Variants in BRF1 observed in about 807,000 individuals in gnomAD.
BRF1 encodes transcription factor IIIB 90 kDa subunit.
BRF1 carries 59 observed loss-of-function variants against 81.7 expected under a neutral mutation model. That is an observed-to-expected ratio of 0.72 (90% CI 0.59 to 0.90). The LOEUF is 0.90. BRF1 is among the 40% of genes least tolerant of loss of function. The probability of loss-of-function intolerance (pLI) is 0.00; values close to 1 mark genes in which losing one functional copy is unlikely to be tolerated. For missense variants in BRF1, 1,050 were observed against 936.3 expected (o/e 1.12, Z -1.58); for synonymous variants, 491 against 395.6 (o/e 1.24, Z -2.86).
At chr14:105,226,039 C>G (rs771259876) in intron 10 of BRF1, 30 bp downstream of exon 10, 12 of 1,589,948 alleles carry the variant, frequency 7.5e-6, no homozygotes, top group Non-Finnish European at 1.0e-5. Context: ...TTTTAAAGGT[C>G]TGAATAGGGG....
rs587691914 is a variant in BRF1 at position 105,215,431 on chromosome 14, TCA to T, written c.1772+2111_1772+2112del. 2.2e-3 allele frequency among the ~76,000 whole-genome samples: 330 copies of T among 148,244 alleles called. 2 individuals are homozygous for T. The highest frequency in any genetic ancestry group is 7.8e-3 in the African/African-American group (313 of 40,014). On this transcript the variant is annotated intron_variant, in intron 15 of 17. Transcript: ENST00000547530. ...ACACATGCACACACACTATGTGCAG[TCA>T]CAGATACAGGCACACACTGTGTGCA...
chr14:105,285,292 C>T (rs1023215551), intron 2 of BRF1, among the ~76,000 whole-genome samples: 3 of 152,208 alleles, frequency 2.0e-5, no homozygotes, highest in East Asian at 1.9e-4. Flanking sequence ...TCCTGAACAG[C>T]GTGGAACGGG....
chr14:105,300,564 G>A lies in BRF1; in HGVS notation c.66C>T (p.Asp22=), dbSNP rs1437882755. The A allele has an allele frequency of 2.7e-6, 4 of 1,496,072 alleles. No homozygotes were observed. The highest frequency in any genetic ancestry group is 1.3e-5 in the South Asian group (1 of 78,956). 92.7% of individuals were successfully genotyped at this position (1,496,072 alleles called of 1,614,324 possible). A position where few individuals can be genotyped will look rare whatever the true frequency, so the allele number is the denominator to read the frequency against. The part of the protein sequence containing the change: ...TDIELDAARG[D]AVCTACGSVL... ...CTGAGCCGCAGGCGGTGCACACCGC[G>A]TCCCCGCGCGCCGCGTCCAGCTCGA... Residue 22 remains aspartate (D), a synonymous_variant, in exon 1 of 18, where the codon GAC becomes GAT. Transcript: ENST00000547530.
intron 5 of BRF1, chr14:105,250,125 C>T (rs772094628): frequency 4.8e-5 from 78 of 1,612,998 alleles, no homozygotes; most frequent in Non-Finnish European, 6.3e-5. Context: ...GACATCCTGA[C>T]TCTGGAGGAG....
chr14:105,229,620 T>A (rs117952084), intron 6 of BRF1, among the ~76,000 whole-genome samples: 3 of 152,244 alleles, frequency 2.0e-5, no homozygotes, highest in African/African-American at 4.8e-5. Context: ...GAGGTCCAAC[T>A]AGAACAGTCG....
chr14:105,241,606 G>T, intron 5 of BRF1, 192 bp from the exon 6 acceptor site: 1 of 712,278 alleles, frequency 1.4e-6, no homozygotes. Flanking sequence ...ACCCAGGAGA[G>T]CCACTGGCCA....
chr14:105,241,065 C>T (rs1487586640), intron 6 of BRF1, among the ~76,000 whole-genome samples, 200 bp downstream of exon 6: 4 of 152,336 alleles, frequency 2.6e-5, no homozygotes, highest in African/African-American at 4.8e-5. Flanking sequence ...TGCCAGGACA[C>T]GCAGAGGCCA....
chr14:105,220,961 G>A (rs1892188606), intron 11 of BRF1, among the ~76,000 whole-genome samples: 1 of 152,220 alleles, frequency 6.6e-6, no homozygotes, highest in Non-Finnish European at 1.5e-5. Flanking sequence ...TGACTCGCCT[G>A]GGTTCCACCC....
chr14:105,284,158 T>C lies in BRF1; in HGVS notation c.265+2138A>G, dbSNP rs1023648337. 2.0e-5 allele frequency among the ~76,000 whole-genome samples: 3 copies of C among 151,922 alleles called. No homozygotes were observed. The highest frequency in any genetic ancestry group is 1.9e-4 in the East Asian group (1 of 5,170). On this transcript the variant is annotated intron_variant, in intron 2 of 17. Transcript: ENST00000547530. The surrounding 1 kb of genome is among the most constrained non-coding windows in gnomAD (Gnocchi z 4.0). Reference sequence around the variant, plus strand: ...AACGCATTCAAGCGCCCAACACACATGCACGTCCACAAAACTGGCCTTCCA... The same window carrying C: ...AACGCATTCAAGCGCCCAACACACACGCACGTCCACAAAACTGGCCTTCCA...
intron 6 of BRF1, 75 bp from the exon 7 acceptor site, chr14:105,228,988 A>C: frequency 7.5e-7 from 1 of 1,340,680 alleles, no homozygotes; most frequent in Non-Finnish European, 1.1e-6. Context: ...CCAGGACAAC[A>C]CTGCGGATCC....
chr14:105,312,553 G>A (rs1197594561), intron 1 of BRF1, among the ~76,000 whole-genome samples: 1 of 152,170 alleles, frequency 6.6e-6, no homozygotes, highest in Non-Finnish European at 1.5e-5. Context: ...CTCCAAACAC[G>A]GGGGTGAGGG....
In BRF1 at chr14:105,210,870, C is replaced by T. The variant is rs1297241415; in HGVS notation, c.1996+252G>A. ...GCAGGTCCGTGGTGGTGTGCAGATC[C>T]GGGAACCTCGTGCTGCTGGCTGGGC... is the stretch of plus-strand genomic sequence containing the variant. On this transcript the variant is annotated intron_variant, in intron 17 of 17. Transcript: ENST00000547530. This position sits in a 1 kb window ranked among gnomAD's most constrained non-coding sequence, Gnocchi z 4.7. Among the ~76,000 whole-genome samples the T allele has an allele frequency of 1.3e-5, 2 of 152,042 alleles. No homozygotes were observed. Among genetic ancestry groups the T allele is most frequent in the Non-Finnish European group, 1.5e-5 (1 of 68,010 alleles).
intron 3 of BRF1, among the ~76,000 whole-genome samples, chr14:105,264,160 C>G (rs1468235949): frequency 6.6e-6 from 1 of 152,138 alleles, no homozygotes; most frequent in African/African-American, 2.4e-5. Flanking sequence ...AATGAAGAAT[C>G]TTACCAAAGA....
At chr14:105,304,680 T>A (rs922121520), upstream of BRF1, among the ~76,000 whole-genome samples, 4 of 152,162 alleles carry the variant, frequency 2.6e-5, no homozygotes, top group Non-Finnish European at 4.4e-5. Context: ...GACTGGGCGA[T>A]TAACAAACAA....
chr14:105,257,522 C>T (rs1415147332), intron 3 of BRF1, among the ~76,000 whole-genome samples: 2 of 152,134 alleles, frequency 1.3e-5, no homozygotes, highest in Admixed American at 6.6e-5. Flanking sequence ...AGGGGCATTC[C>T]GACACAGAGC....
chr14:105,214,430 C>A (rs1442322179), intron 15 of BRF1, among the ~76,000 whole-genome samples: 1 of 151,624 alleles, frequency 6.6e-6, no homozygotes, highest in Non-Finnish European at 1.5e-5. Context: ...CTGCCCACAC[C>A]CATGCATGGC....
chr14:105,258,564 G>A (rs921828961), intron 3 of BRF1, among the ~76,000 whole-genome samples: 10 of 150,946 alleles, frequency 6.6e-5, no homozygotes, highest in South Asian at 2.1e-4. Flanking sequence ...TTGGGAGGCC[G>A]AGGTGGGAGG....
At position 105,241,308 on chromosome 14, in the gene BRF1, G is replaced by T; in HGVS notation, c.651C>A (p.Asp217Glu). 1 of 1,612,658 alleles carries T rather than the reference G, an allele frequency of 6.2e-7. No homozygotes were observed. The highest frequency in any genetic ancestry group is 8.5e-7 in the Non-Finnish European group (1 of 1,179,920). ...AGGGGCGCCGGCCTGTGTGCATCCA[G>T]TCCCGCTTCATCCTCTGTAGGAGCC... is the stretch of plus-strand genomic sequence containing the variant. ...ALRLLQRMKRDWMHTGRRPSG... is the reference protein window; with the variant it reads ...ALRLLQRMKREWMHTGRRPSG... The change falls in exon 6 of 18, where the codon GAC becomes GAA. Residue 217 changes from aspartate (D) to glutamate (E), a missense_variant. Coordinates refer to ENST00000547530, the MANE Select transcript of BRF1 (RefSeq NM_001519.4).
At position 105,217,729 on chromosome 14, in the gene BRF1, C is replaced by A. The variant is rs756424433; in HGVS notation, c.1587G>T (p.Leu529=). The A allele has an allele frequency of 5.6e-5, 91 of 1,613,362 alleles. No individual in the cohort carries two copies. Among genetic ancestry groups the A allele is most frequent in the Non-Finnish European group, 7.5e-5 (89 of 1,180,028 alleles). ...STAREAIEKM[L]EQKKISSKIN... ...TCTTGCTGGAGATCTTCTTCTGCTC[C>A]AGCATCTTCTCGATGGCCTCCCTGG... The change falls in exon 15 of 18, where the codon CTG becomes CTT. Residue 529 remains leucine, a synonymous_variant. Coordinates refer to ENST00000547530, the MANE Select transcript of BRF1 (RefSeq NM_001519.4).
Sources: allele counts gnomAD v4.1 joint callset (sites outside exome capture counted in the v4.1 genomes callset), GRCh38; gene constraint gnomAD v4.1.1; non-coding constraint Gnocchi (gnomAD v3.1); transcripts MANE v1.5; gene names NCBI Gene and HGNC (gene_info 2026-07-23, HGNC 2026-07-21).